TENM3: variants seen among roughly 807,000 people sequenced by gnomAD.
TENM3 encodes teneurin-3.
In TENM3, 63 loss-of-function variants were observed where a neutral mutation model predicts 255.1. The observed-to-expected ratio is 0.25, with a 90% confidence interval of 0.20 to 0.30. The LOEUF is 0.30. Among genes scored for constraint, TENM3 ranks in the 10% least tolerant of loss-of-function variants. The pLI is 1.00. For missense variants in TENM3, 2,929 were observed against 3,461.1 expected, an observed-to-expected ratio of 0.85 and a Z score of 3.86; for synonymous variants, 1,306 against 1,322.3, an observed-to-expected ratio of 0.99 and a Z score of 0.27.
At chr4:182,666,423 G>A (rs1055773453) in intron 6 of TENM3, among the ~76,000 whole-genome samples, 2 of 152,146 alleles carry the variant, frequency 1.3e-5, no homozygotes, top group Non-Finnish European at 2.9e-5. Flanking sequence ...CTTAATTATT[G>A]TCTTATTTTA....
At chr4:182,583,905 A>G (rs912212080) in intron 3 of TENM3, among the ~76,000 whole-genome samples, 4 of 152,220 alleles carry the variant, frequency 2.6e-5, no homozygotes, top group African/African-American at 9.6e-5. Flanking sequence ...CTTATTTTGC[A>G]TAAATTATAA....
the TENM3 span, among the ~76,000 whole-genome samples, chr4:181,730,332 A>G: frequency 1.3e-5 from 2 of 152,170 alleles, no homozygotes; most frequent in Non-Finnish European, 2.9e-5. Flanking sequence ...ATCCAGAAGG[A>G]ACGCTTGCAA....
chr4:181,618,954 C>T, the TENM3 span, among the ~76,000 whole-genome samples: 1 of 152,186 alleles, frequency 6.6e-6, no homozygotes, highest in African/African-American at 2.4e-5. Context: ...CAGATCCACT[C>T]TCTACTTCTG....
chr4:181,565,831 A>G, the TENM3 span, among the ~76,000 whole-genome samples: 1 of 152,340 alleles, frequency 6.6e-6, no homozygotes, highest in African/African-American at 2.4e-5. Flanking sequence ...AATACAAGGG[A>G]AAATCCTATG....
intron 12 of TENM3, among the ~76,000 whole-genome samples, chr4:182,703,905 G>A (rs1758079853): frequency 6.6e-6 from 1 of 152,102 alleles, no homozygotes; most frequent in Non-Finnish European, 1.5e-5. Flanking sequence ...GATTGTTCTG[G>A]CTTCCTGTGA....
the TENM3 span, among the ~76,000 whole-genome samples, chr4:182,074,506 C>T: frequency 6.6e-6 from 1 of 152,180 alleles, no homozygotes; most frequent in East Asian, 1.9e-4. Flanking sequence ...ACAAGCTACC[C>T]TCTAAAACTT....
chr4:181,986,635 C>T, the TENM3 span, among the ~76,000 whole-genome samples: 1 of 152,068 alleles, frequency 6.6e-6, no homozygotes, highest in African/African-American at 2.4e-5. Context: ...GCTCCAAGCA[C>T]GTCCTCTTCC....
the TENM3 span, among the ~76,000 whole-genome samples, chr4:181,905,530 T>G: frequency 7.6e-6 from 1 of 131,860 alleles, no homozygotes; most frequent in African/African-American, 2.7e-5. Flanking sequence ...GATAATGAGC[T>G]GAGCTTTTTT....
the TENM3 span, among the ~76,000 whole-genome samples, chr4:182,037,363 G>A: frequency 6.6e-6 from 1 of 152,108 alleles, no homozygotes; most frequent in Non-Finnish European, 1.5e-5. Context: ...GGCCGGGCTG[G>A]TCTCAAACCC....
intron 1 of TENM3, among the ~76,000 whole-genome samples, chr4:182,177,816 C>T (rs916062700): frequency 2.0e-5 from 3 of 151,998 alleles, no homozygotes; most frequent in Non-Finnish European, 1.5e-5. Flanking sequence ...CCATGAGCCA[C>T]TGTGTCCTGC....
intron 22 of TENM3, among the ~76,000 whole-genome samples, chr4:182,756,261 C>T (rs1206245724): frequency 6.6e-6 from 1 of 152,162 alleles, no homozygotes; most frequent in Non-Finnish European, 1.5e-5. Context: ...TCAGGAATTG[C>T]AGTTTGTTGC....
In TENM3 at chr4:182,149,538, G is replaced by A. The variant is rs114528802; in HGVS notation, c.-76+4784G>A. Among the ~76,000 whole-genome samples the A allele has an allele frequency of 4.3e-3, 653 of 151,986 alleles. 3 individuals are homozygous for A. Among genetic ancestry groups the A allele is most frequent in the African/African-American group, 0.014 (574 of 41,482 alleles). ...GAATGAACTCATAAGTCATATGAGT[G>A]GATGACTGAAACCATATCATGTAAT... On this transcript the variant is annotated intron_variant, in intron 1 of 2. Transcript: ENST00000512480.
intron 3 of TENM3, among the ~76,000 whole-genome samples, chr4:182,557,133 A>G (rs72701946): frequency 0.12 from 17,588 of 152,248 alleles, 1,280 homozygotes; most frequent in Non-Finnish European, 0.16. Context: ...AAATTATAAA[A>G]TCTCATGTAA....
intron 1 of TENM3, among the ~76,000 whole-genome samples, chr4:182,157,427 G>A (rs952083977): frequency 4.6e-5 from 7 of 152,192 alleles, no homozygotes; most frequent in African/African-American, 1.7e-4. Context: ...CTTCTTCCCT[G>A]TTCTCAGTAG....
chr4:182,756,124 G>T (rs1762731417), intron 22 of TENM3, among the ~76,000 whole-genome samples: 1 of 152,212 alleles, frequency 6.6e-6, no homozygotes, highest in South Asian at 2.1e-4. Flanking sequence ...TCAGGAACTT[G>T]CATTGAAGAA....
intron 4 of TENM3, among the ~76,000 whole-genome samples, chr4:182,621,658 A>G (rs1750183177): frequency 2.7e-5 from 2 of 73,896 alleles, no homozygotes; most frequent in Admixed American, 3.1e-4. Context: ...ATTATAATAT[A>G]TAATATGTAT....
intron 2 of TENM3, among the ~76,000 whole-genome samples, chr4:182,335,348 A>C (rs1580198584): frequency 7.5e-6 from 1 of 133,442 alleles, no homozygotes. Context: ...ACAAAAAATT[A>C]GCCGGGCGCG....
At chr4:182,381,502 A>G (rs1420913912) in intron 3 of TENM3, among the ~76,000 whole-genome samples, 2 of 151,700 alleles carry the variant, frequency 1.3e-5, no homozygotes, top group Non-Finnish European at 2.9e-5. Context: ...GAGGTAGGCA[A>G]CTCCACAATG....
At chr4:182,015,600 G>A in the TENM3 span, among the ~76,000 whole-genome samples, 451 of 151,078 alleles carry the variant, frequency 3.0e-3, no homozygotes, top group Admixed American at 7.9e-3. Context: ...TCACTCTGTC[G>A]CCCAGGCTGG....
Sources: gnomAD v4.1 joint callset for allele counts (sites outside exome capture counted in the v4.1 genomes callset) on GRCh38, gnomAD v4.1.1 for gene constraint, MANE v1.5 for transcripts, NCBI Gene and HGNC (gene_info 2026-07-23, HGNC 2026-07-21) for gene names.